DCLK2: variants seen among roughly 807,000 people sequenced by gnomAD.
DCLK2 encodes the protein doublecortin like kinase 2, also known as serine/threonine-protein kinase DCLK2.
Under a neutral mutation model 78.4 loss-of-function variants are expected in DCLK2, and 31 were observed. That is an observed-to-expected ratio of 0.40 (90% confidence interval 0.30 to 0.53). The LOEUF (loss-of-function observed/expected upper bound fraction) is 0.53, where lower values mean the gene tolerates loss of function less well. DCLK2 is among the 20% of genes least tolerant of loss of function. The pLI, the probability that DCLK2 is intolerant of heterozygous loss-of-function variation, is 0.61. For missense variants in DCLK2, 872 were observed against 973.7 expected (o/e 0.90, Z 1.39); for synonymous variants, 407 against 374.9 (o/e 1.09, Z -0.99).
chr4:150,088,408 G>C (rs4593109), intron 1 of DCLK2, among the ~76,000 whole-genome samples: 56,926 of 150,024 alleles, frequency 0.38, 10,968 homozygotes, highest in Non-Finnish European at 0.42. Context: ...TTTTTTTTTC[G>C]TATATATATC....
At chr4:150,241,194 A>C (rs1278895696) in intron 12 of DCLK2, among the ~76,000 whole-genome samples, 1 of 152,230 alleles carries the variant, frequency 6.6e-6, no homozygotes, top group African/African-American at 2.4e-5. Flanking sequence ...TAAGAATAGA[A>C]TTACAAACAC....
intron 1 of DCLK2, among the ~76,000 whole-genome samples, chr4:150,091,234 A>G (rs1199206846): frequency 2.0e-5 from 3 of 152,376 alleles, no homozygotes; most frequent in Middle Eastern, 3.4e-3. Flanking sequence ...GATGAAGGGT[A>G]TCGAATCATC....
At chr4:150,253,241 G>C (rs752580450) in intron 15 of DCLK2, 8 of 529,040 alleles carry the variant, frequency 1.5e-5, no homozygotes, top group Admixed American at 5.9e-5. Flanking sequence ...TGAGACTGTG[G>C]GGCCAACCTG....
At chr4:150,231,316 C>T (rs954629738) in intron 8 of DCLK2, among the ~76,000 whole-genome samples, 3 of 152,214 alleles carry the variant, frequency 2.0e-5, no homozygotes, top group African/African-American at 4.8e-5. Context: ...CACTGTCACT[C>T]GCTAAGATTT....
At chr4:150,168,157 C>A (rs913015026) in intron 2 of DCLK2, among the ~76,000 whole-genome samples, 1 of 152,166 alleles carries the variant, frequency 6.6e-6, no homozygotes, top group Admixed American at 6.5e-5. Context: ...TCCTGGCTAA[C>A]ACAGTGAAAC....
intron 5 of DCLK2, among the ~76,000 whole-genome samples, chr4:150,216,941 C>CCAT (rs1337292999): frequency 6.6e-6 from 1 of 152,192 alleles, no homozygotes; most frequent in Non-Finnish European, 1.5e-5. Flanking sequence ...ATGCTGCCAT[C>CCAT]CATTATGCTT....
At chr4:150,168,476 T>A (rs1736269136) in intron 2 of DCLK2, among the ~76,000 whole-genome samples, 1 of 152,152 alleles carries the variant, frequency 6.6e-6, no homozygotes, top group Non-Finnish European at 1.5e-5. Flanking sequence ...AAACTTTCAC[T>A]CCTGCTCCAA....
intron 2 of DCLK2, among the ~76,000 whole-genome samples, chr4:150,123,410 C>T (rs572831521): frequency 6.6e-6 from 1 of 152,188 alleles, no homozygotes; most frequent in East Asian, 1.9e-4. Flanking sequence ...AAAATCAGAA[C>T]ACAAACATTT....
intron 10 of DCLK2, 127 bp downstream of exon 10, chr4:150,232,955 G>A (rs1299934177): frequency 4.9e-6 from 6 of 1,218,992 alleles, no homozygotes; most frequent in East Asian, 2.4e-5. Context: ...TAGAAAATTA[G>A]CAAGACTTAT....
chr4:150,199,551 C>G (rs1256535043), intron 4 of DCLK2, among the ~76,000 whole-genome samples: 1 of 152,182 alleles, frequency 6.6e-6, no homozygotes, highest in Non-Finnish European at 1.5e-5. Flanking sequence ...TGAGGTGTTT[C>G]TTATACATAC....
intron 8 of DCLK2, among the ~76,000 whole-genome samples, 179 bp downstream of exon 8, chr4:150,224,737 C>G (rs1252688498): frequency 6.6e-6 from 1 of 152,134 alleles, no homozygotes; most frequent in African/African-American, 2.4e-5. Flanking sequence ...AAACTTTAAT[C>G]CTAAAACAGT....
intron 2 of DCLK2, among the ~76,000 whole-genome samples, chr4:150,131,730 T>G (rs1230863055): frequency 6.6e-6 from 1 of 152,132 alleles, no homozygotes; most frequent in Admixed American, 6.5e-5. Flanking sequence ...TAGGGAGACA[T>G]TCCCAGACAC....
At chr4:150,168,380 C>T (rs1736263971) in intron 2 of DCLK2, among the ~76,000 whole-genome samples, 1 of 151,634 alleles carries the variant, frequency 6.6e-6, no homozygotes, top group South Asian at 2.1e-4. Context: ...AGAGGTCAAA[C>T]TGTGCACTTG....
chr4:150,098,983 C>T (rs1730679411), intron 1 of DCLK2, among the ~76,000 whole-genome samples: 1 of 150,960 alleles, frequency 6.6e-6, no homozygotes, highest in African/African-American at 2.4e-5. Flanking sequence ...GCATGAGCCA[C>T]CGTGCCTGGC....
At chr4:150,226,565 C>T (rs1296465482) in intron 8 of DCLK2, among the ~76,000 whole-genome samples, 2 of 151,738 alleles carry the variant, frequency 1.3e-5, no homozygotes, top group South Asian at 2.1e-4. Context: ...ATATGGTTTA[C>T]GTGATTAAAA....
chr4:150,103,279 G>A (rs1000806929), intron 2 of DCLK2, among the ~76,000 whole-genome samples: 1 of 152,164 alleles, frequency 6.6e-6, no homozygotes, highest in South Asian at 2.1e-4. Context: ...TCAAAAGAAA[G>A]TACTTTTATA....
chr4:150,117,396 C>T (rs1732172357), intron 2 of DCLK2, among the ~76,000 whole-genome samples: 1 of 152,202 alleles, frequency 6.6e-6, no homozygotes, highest in South Asian at 2.1e-4. Context: ...GAAACCAGGG[C>T]TTTCAGGCTA....
At chr4:150,091,643 CATACT>C (rs559934828) in intron 1 of DCLK2, among the ~76,000 whole-genome samples, 348 of 152,270 alleles carry the variant, frequency 2.3e-3, no homozygotes, top group African/African-American at 8.0e-3. Context: ...AGTTACTGGA[CATACT>C]ATAACAGAGG....
At chr4:150,228,797 C>A (rs1044647439) in intron 8 of DCLK2, among the ~76,000 whole-genome samples, 2 of 150,650 alleles carry the variant, frequency 1.3e-5, no homozygotes, top group African/African-American at 2.4e-5. Context: ...GAGGCCGAGG[C>A]GGGTGGATCA....
Sources: allele counts gnomAD v4.1 joint callset (sites outside exome capture counted in the v4.1 genomes callset), GRCh38; gene constraint gnomAD v4.1.1; transcripts MANE v1.5; gene names NCBI Gene and HGNC (gene_info 2026-07-23, HGNC 2026-07-21).